The following DDX60L variants were observed in gnomAD, a reference collection of about 807,000 sequenced individuals.
The protein encoded by DDX60L is probable ATP-dependent RNA helicase DDX60-like.
A neutral mutation model predicts 211.6 loss-of-function variants in DDX60L; 191 were observed. That is an observed-to-expected ratio of 0.90 (90% CI 0.80 to 1.02). DDX60L has a LOEUF of 1.02. Among genes scored for constraint, DDX60L ranks in the 50% least tolerant of loss-of-function variants. DDX60L has a pLI of 0.00. For synonymous variants in DDX60L, 706 were observed against 694.1 expected (o/e 1.02, Z -0.27); for missense variants, 2,007 against 1,984.1 (o/e 1.01, Z -0.22).
At chr4:168,464,187 A>G (rs1259705182) in intron 4 of DDX60L, among the ~76,000 whole-genome samples, 2 of 152,212 alleles carry the variant, frequency 1.3e-5, no homozygotes, top group Non-Finnish European at 1.5e-5. Flanking sequence ...CATTTCTAGA[A>G]GATTATATTC....
chr4:168,404,118 A>C lies in DDX60L; in HGVS notation c.3214-12T>G. 7.8e-7 allele frequency: 1 copy of C among 1,290,116 alleles called. No homozygotes were observed. The highest frequency in any genetic ancestry group is 1.0e-6 in the Non-Finnish European group (1 of 998,832). The allele number at this position is 1,290,116 out of a possible 1,614,324, so 79.9% of individuals were successfully genotyped here. A position where few individuals can be genotyped will look rare whatever the true frequency, so the allele number is the denominator to read the frequency against. On this transcript the variant is annotated splice_polypyrimidine_tract_variant and intron_variant, in intron 24 of 37. Coordinates refer to ENST00000682922, the MANE Select transcript of DDX60L (RefSeq NM_001012967.3). Reference sequence around the variant, plus strand: ...AGTACTCTTTTGACCTACAACAGTAAGTAAAAATTATTTAAAAAAAAAAAA... The same window carrying C: ...AGTACTCTTTTGACCTACAACAGTACGTAAAAATTATTTAAAAAAAAAAAA...
chr4:168,479,981 C>CAAAAA (rs60737462), intron 1 of DDX60L, among the ~76,000 whole-genome samples: 1 of 100,896 alleles, frequency 9.9e-6, no homozygotes, highest in African/African-American at 3.6e-5. Flanking sequence ...GAGACTGACT[C>CAAAAA]AAAAAAAAAA....
chr4:168,447,952 G>A (rs1456760900), intron 9 of DDX60L, among the ~76,000 whole-genome samples: 3 of 150,522 alleles, frequency 2.0e-5, no homozygotes, highest in South Asian at 2.1e-4. Flanking sequence ...TGGGTGCAGC[G>A]CACCAGCATG....
In DDX60L at chr4:168,384,603, G is replaced by T. The variant is rs763368814; in HGVS notation, c.4116+9C>A. The T allele has an allele frequency of 9.3e-6, 15 of 1,613,602 alleles. No individual in the cohort carries two copies. The South Asian group carries it at 1.5e-4, about 17-fold the overall frequency. ...AAGACTGAACCTCAGGCAGTGTCCAGCACGGTACCTTTGCCTTGGCATCCT... is the reference window on the plus strand; with the variant it reads ...AAGACTGAACCTCAGGCAGTGTCCATCACGGTACCTTTGCCTTGGCATCCT... On this transcript the variant is annotated intron_variant, in intron 30 of 37. Coordinates refer to ENST00000682922, the MANE Select transcript of DDX60L (RefSeq NM_001012967.3).
intron 10 of DDX60L, among the ~76,000 whole-genome samples, chr4:168,433,370 T>C (rs746656122): frequency 2.7e-4 from 41 of 152,064 alleles, no homozygotes; most frequent in Non-Finnish European, 5.6e-4. Flanking sequence ...ACATGTAGAT[T>C]TTCCATTTCC....
intron 24 of DDX60L, 63 bp from the exon 25 acceptor site, chr4:168,404,169 A>T: frequency 2.6e-6 from 3 of 1,134,958 alleles, no homozygotes; most frequent in Non-Finnish European, 2.4e-6. Flanking sequence ...AGAAGAAAGA[A>T]AGGAATTATT....
At chr4:168,365,716 GCAA>G (rs918443529) in intron 36 of DDX60L, among the ~76,000 whole-genome samples, 28 of 151,878 alleles carry the variant, frequency 1.8e-4, no homozygotes, top group African/African-American at 6.5e-4. Context: ...TAAGGATACA[GCAA>G]CAACAACAAA....
At chr4:168,449,557 T>C (rs1755359305) in intron 8 of DDX60L, among the ~76,000 whole-genome samples, 3 of 125,580 alleles carry the variant, frequency 2.4e-5, no homozygotes, top group Admixed American at 1.8e-4. Flanking sequence ...ATGGCACATG[T>C]ATACATATGT....
intron 4 of DDX60L, among the ~76,000 whole-genome samples, chr4:168,466,153 T>C (rs531402677): frequency 4.7e-4 from 71 of 151,574 alleles, no homozygotes; most frequent in African/African-American, 1.6e-3. Context: ...ATGAAGTTAG[T>C]GGAAAAAAGA....
rs1261888904 is a variant in DDX60L at position 168,400,826 on chromosome 4, A to G, written c.3491T>C (p.Ile1164Thr). ...LEKVRKTQKR[I>T]TKKNPKKAEK... is the part of the protein sequence containing the mutation. ...TGTTTAAGTAAACATTAATACTTACATCCTTTTCTGTGTCTTCCTCACTTT... is the reference window on the plus strand; with the variant it reads ...TGTTTAAGTAAACATTAATACTTACGTCCTTTTCTGTGTCTTCCTCACTTT... Residue 1164 changes from isoleucine to threonine, a missense_variant and splice_region_variant, in exon 26 of 38, where the codon ATC becomes ACC. Coordinates refer to ENST00000682922, the MANE Select transcript of DDX60L (RefSeq NM_001012967.3). 1 of 1,608,896 alleles carries G rather than the reference A, an allele frequency of 6.2e-7. No individual in the cohort carries two copies. The highest frequency in any genetic ancestry group is 8.5e-7 in the Non-Finnish European group (1 of 1,177,710).
Position 168,453,130 on chromosome 4 carries a change from T to C in DDX60L, c.990A>G (p.Leu330=), listed in dbSNP as rs1466217980. The change falls in exon 8 of 38, where the codon TTA becomes TTG. Residue 330 remains leucine (L), a synonymous_variant. Transcript: ENST00000682922. ...ATAAACAAAATATGTTTACCATTTT[T>C]AAGAAAGAATCACTGTTCCTAATCC... The part of the protein sequence containing the change: ...CSWIRNSDSF[L]KMNKWCEYFI... 1 of 1,603,752 alleles carries C rather than the reference T, an allele frequency of 6.2e-7. No homozygotes were observed.
At chr4:168,441,027 G>A (rs1435921278) in intron 10 of DDX60L, among the ~76,000 whole-genome samples, 1 of 152,118 alleles carries the variant, frequency 6.6e-6, no homozygotes, top group African/African-American at 2.4e-5. Flanking sequence ...AGAGATGAGA[G>A]GAGGGGGAGG....
Position 168,371,994 on chromosome 4 carries a change from G to C in DDX60L, c.4777-231C>G, listed in dbSNP as rs113716406. ...CCACTGTGACACTAAGCATGCCTCG[G>C]GAATGGGCAGCACCGCTGAGGGAAA... On this transcript the variant is annotated intron_variant, in intron 35 of 37. Transcript: ENST00000682922. Among the ~76,000 whole-genome samples the C allele has an allele frequency of 9.1e-3, 1,391 of 152,234 alleles. 24 individuals carry two copies. Among genetic ancestry groups the C allele is most frequent in the African/African-American group, 0.031 (1,288 of 41,536 alleles).
In DDX60L at chr4:168,357,924, G is replaced by A; in HGVS notation, c.*223C>T. ...TCATTTAATCCTCAAAACAACTAGA[G>A]GTATTCATTTTTACTCCGGTTTTGC... On this transcript the variant is annotated 3_prime_UTR_variant, in exon 38 of 38. Transcript: ENST00000682922. 1 of 426,374 alleles carries A rather than the reference G, an allele frequency of 2.3e-6. No individual in the cohort carries two copies. The highest frequency in any genetic ancestry group is 4.2e-6 in the Non-Finnish European group (1 of 239,704). 26.4% of individuals were successfully genotyped at this position (426,374 alleles called of 1,614,324 possible). A position where few individuals can be genotyped will look rare whatever the true frequency, so the allele number is the denominator to read the frequency against.
intron 9 of DDX60L, among the ~76,000 whole-genome samples, chr4:168,446,138 C>A (rs1196186896): frequency 1.3e-5 from 2 of 150,940 alleles, no homozygotes; most frequent in African/African-American, 2.4e-5. Context: ...ACCCCATTGT[C>A]TCAGCCCAAA....
intron 36 of DDX60L, among the ~76,000 whole-genome samples, chr4:168,364,720 T>G (rs1221686050): frequency 6.6e-6 from 1 of 152,214 alleles, no homozygotes; most frequent in Non-Finnish European, 1.5e-5. Flanking sequence ...AGCTTCAGAA[T>G]GCACATTTTT....
intron 15 of DDX60L, among the ~76,000 whole-genome samples, 179 bp from the exon 16 acceptor site, chr4:168,422,849 C>T (rs1329426161): frequency 6.6e-6 from 1 of 152,012 alleles, no homozygotes; most frequent in Non-Finnish European, 1.5e-5. Flanking sequence ...CATCATAGCT[C>T]ACTGCAGCCT....
rs774104727 is a variant in DDX60L, at chr4:168,394,446, T to A, written c.3810+19A>T. 2 of 1,574,462 alleles carry A rather than the reference T, an allele frequency of 1.3e-6. No individual in the cohort carries two copies. The highest frequency in any genetic ancestry group is 1.7e-6 in the Non-Finnish European group (2 of 1,163,510). On this transcript the variant is annotated intron_variant, in intron 28 of 37. Transcript: ENST00000682922. ...AATATGCACAACTTTATTTTTTAAA[T>A]GCAAAGAAATTTACCTACCCTAATA...
Position 168,401,933 on chromosome 4 carries a change from T to A in DDX60L, c.3339-955A>T, listed in dbSNP as rs566179521. ...AACAATGACCAAGTTCCAGGCACTG[T>A]TCTATGTGGCTTCAATATATTAACT... On this transcript the variant is annotated intron_variant, in intron 25 of 37. Transcript: ENST00000682922. Among the ~76,000 whole-genome samples, 8 of 152,274 alleles carry A rather than the reference T, an allele frequency of 5.3e-5. No homozygotes were observed. The East Asian group carries it at 1.5e-3, about 29-fold the overall frequency.
Sources: gnomAD v4.1 joint callset for allele counts (sites outside exome capture counted in the v4.1 genomes callset) on GRCh38, gnomAD v4.1.1 for gene constraint, MANE v1.5 for transcripts, NCBI Gene and HGNC (gene_info 2026-07-23, HGNC 2026-07-21) for gene names.